MAP4K2: variants seen among roughly 807,000 people sequenced by gnomAD.
MAP4K2 encodes B lymphocyte serine/threonine protein kinase.
In MAP4K2, 85 loss-of-function variants were observed where a neutral mutation model predicts 125.3. The ratio of observed to expected loss-of-function variants is 0.68; its 90% CI spans 0.57 to 0.81. MAP4K2 has a LOEUF of 0.81. Among genes scored for constraint, MAP4K2 ranks in the 40% least tolerant of loss-of-function variants. The probability of loss-of-function intolerance (pLI) is 0.00; values close to 1 mark genes in which losing one functional copy is unlikely to be tolerated. For synonymous variants in MAP4K2, 479 were observed against 445.1 expected, an observed-to-expected ratio of 1.08 and a Z score of -0.96; for missense variants, 923 against 1,056.4, an observed-to-expected ratio of 0.87 and a Z score of 1.75.
At position 64,800,791 on chromosome 11, in the gene MAP4K2, G is replaced by T. The variant is rs773719386; in HGVS notation, c.698C>A (p.Pro233Gln). The T allele has an allele frequency of 2.9e-5, 47 of 1,610,074 alleles. No homozygotes were observed. The highest frequency in any genetic ancestry group is 5.1e-5 in the Admixed American group (3 of 59,228). Residue 233 changes from proline (P) to glutamine (Q), a missense_variant, in exon 10 of 32, where the codon CCG becomes CAG. Pro to Gln is a moderately conservative substitution (Grantham distance 76). Coordinates refer to ENST00000294066, the MANE Select transcript of MAP4K2 (RefSeq NM_004579.5). ...GCGAGTCTTATCTCTCAGTTTGGGCGGCTGGAAGCTGCTCTTCGACATGAG... is the reference window on the plus strand; with the variant it reads ...GCGAGTCTTATCTCTCAGTTTGGGCTGCTGGAAGCTGCTCTTCGACATGAG... Reference protein sequence around the residue: ...LMLMSKSSFQPPKLRDKTRWT... With the variant: ...LMLMSKSSFQQPKLRDKTRWT...
Position 64,797,490 on chromosome 11 carries a change from C to A in MAP4K2, c.1170+11G>T. 6.4e-7 allele frequency: 1 copy of A among 1,562,358 alleles called. No homozygotes were observed. On this transcript the variant is annotated intron_variant, in intron 17 of 31. Transcript: ENST00000294066. ...CCTGGATCCCAGCTCCAGCCTCCCTCTGTGTGGCACCTGGAATTCTGAGGC... is the reference window on the plus strand; with the variant it reads ...CCTGGATCCCAGCTCCAGCCTCCCTATGTGTGGCACCTGGAATTCTGAGGC...
Position 64,802,629 on chromosome 11 carries a change from T to C in MAP4K2, c.179A>G (p.Gln60Arg), listed in dbSNP as rs1219970302. The C allele has an allele frequency of 1.1e-5, 18 of 1,612,472 alleles. No individual in the cohort carries two copies. Among genetic ancestry groups the C allele is most frequent in the Admixed American group, 1.7e-5 (1 of 59,882 alleles). The change falls in exon 3 of 32, where the codon CAG (glutamine) becomes CGG (arginine). Residue 60 changes from glutamine (Q) to arginine (R), a missense_variant. Transcript: ENST00000294066. ...GCACTCACGCAGGATGGTGATTTCC[T>C]GCTGGAGGGAGCTGATGTCGTCCCC... ...DPGDDISSLQQEITILRECRH... is the reference protein window; with the variant it reads ...DPGDDISSLQREITILRECRH...
intron 13 of MAP4K2, 29 bp from the exon 14 acceptor site, chr11:64,799,508 G>A (rs746502534): frequency 3.1e-6 from 5 of 1,612,012 alleles, no homozygotes; most frequent in African/African-American, 1.3e-5. Flanking sequence ...AAGAGTGAAG[G>A]AGCTGGAGTC....
At chr11:64,801,246 G>A in intron 7 of MAP4K2, 63 bp from the exon 8 acceptor site, 11 of 1,565,130 alleles carry the variant, frequency 7.0e-6, no homozygotes, top group Non-Finnish European at 8.7e-6. Context: ...CCACGCCCAG[G>A]GCTCTGGCTC....
chr11:64,794,974 C>T (rs183850074), intron 24 of MAP4K2, among the ~76,000 whole-genome samples: 10 of 152,228 alleles, frequency 6.6e-5, no homozygotes, highest in Non-Finnish European at 8.8e-5. Flanking sequence ...TTCACTTCAA[C>T]CTCAACCTCC....
chr11:64,802,044 G>A, intron 5 of MAP4K2, 22 bp downstream of exon 5: 1 of 1,608,282 alleles, frequency 6.2e-7, no homozygotes. Flanking sequence ...CAGAGGTGTG[G>A]GCACCTCACA....
chr11:64,796,114 G>A (rs1256922272), intron 24 of MAP4K2, among the ~76,000 whole-genome samples, 159 bp downstream of exon 24: 2 of 152,230 alleles, frequency 1.3e-5, no homozygotes, highest in African/African-American at 4.8e-5. Context: ...CCGGCGGGAG[G>A]GGGTGGGAAG....
In MAP4K2 at chr11:64,788,252, T is replaced by C. The variant is rs1444553501; in HGVS notation, c.*1285A>G. The stretch of plus-strand genomic sequence containing the variant: ...GTCTTCCTCCAACACCTGCCTTGAA[T>C]GTAGGGGTGACCATGGGGCCTTTGC... On this transcript the variant is annotated 3_prime_UTR_variant, in exon 32 of 32. Transcript: ENST00000294066. The C allele has an allele frequency of 6.6e-6, 1 of 152,436 alleles. No homozygotes were observed. Among genetic ancestry groups the C allele is most frequent in the Non-Finnish European group, 1.5e-5 (1 of 68,244 alleles). 9.4% of individuals were successfully genotyped at this position (152,436 alleles called of 1,614,324 possible).
intron 15 of MAP4K2, 51 bp downstream of exon 15, chr11:64,798,743 G>A (rs766798883): frequency 6.2e-7 from 1 of 1,606,630 alleles, no homozygotes; most frequent in African/African-American, 1.3e-5. Flanking sequence ...TCAGAGGTCA[G>A]CCTTTCTGCC....
chr11:64,801,885 T>G, intron 5 of MAP4K2, 128 bp from the exon 6 acceptor site: 5 of 1,188,866 alleles, frequency 4.2e-6, no homozygotes, highest in Non-Finnish European at 6.1e-6. Context: ...AGGAAGTGAC[T>G]GAGCCAAGAG....
intron 10 of MAP4K2, 89 bp downstream of exon 10, chr11:64,800,675 G>A (rs1292091422): frequency 3.3e-6 from 5 of 1,514,102 alleles, no homozygotes; most frequent in Non-Finnish European, 4.5e-6. Flanking sequence ...CAGGGCTCTT[G>A]GGGTTGCCCC....
At chr11:64,798,590 C>T (rs1286723559) in intron 15 of MAP4K2, among the ~76,000 whole-genome samples, 1 of 150,546 alleles carries the variant, frequency 6.6e-6, no homozygotes, top group African/African-American at 2.5e-5. Context: ...ATGAGCCACC[C>T]GCCCAGCCTA....
chr11:64,799,345 T>G, intron 14 of MAP4K2, 76 bp downstream of exon 14: 96 of 1,550,016 alleles, frequency 6.2e-5, no homozygotes, highest in Middle Eastern at 2.0e-4. Context: ...TCCCTTGATT[T>G]GAGCTGCTCG....
chr11:64,801,840 C>G (rs1286994364), intron 5 of MAP4K2, 83 bp from the exon 6 acceptor site: 5 of 1,440,808 alleles, frequency 3.5e-6, no homozygotes, highest in South Asian at 1.2e-5. Flanking sequence ...TGGGGCCCCC[C>G]ACTCAGGCTG....
Position 64,801,585 on chromosome 11 carries a change from T to C in MAP4K2, c.451A>G (p.Lys151Glu). The change falls in exon 7 of 32, where the codon AAA (lysine) becomes GAA (glutamate). Residue 151 changes from lysine to glutamate, a missense_variant. This residue lies in a region of MAP4K2 where 833 missense variants were observed against 911.4 expected (regional missense o/e 0.91). Transcript: ENST00000294066. ...GTGTCCCCAGGGTACTGACCCAGTT[T>C]GACATCTCCCTGGAGAGTGAGGAGA... ...NLLLTLQGDVKLADFGVSGEL... is the reference protein window; with the variant it reads ...NLLLTLQGDVELADFGVSGEL... 5 of 1,613,980 alleles carry C rather than the reference T, an allele frequency of 3.1e-6. No individual in the cohort carries two copies. The highest frequency in any genetic ancestry group is 4.2e-6 in the Non-Finnish European group (5 of 1,179,922).
At chr11:64,793,124 G>A (rs1310828487) in intron 24 of MAP4K2, among the ~76,000 whole-genome samples, 3 of 152,142 alleles carry the variant, frequency 2.0e-5, no homozygotes, top group Non-Finnish European at 2.9e-5. Flanking sequence ...GCTGAGGCAG[G>A]AGAATTGCTT....
In MAP4K2 at chr11:64,789,872, C is replaced by T. The variant is rs773799222; in HGVS notation, c.2319+17G>A. On this transcript the variant is annotated intron_variant, in intron 30 of 31. Coordinates refer to ENST00000294066, the MANE Select transcript of MAP4K2 (RefSeq NM_004579.5). ...ACCACAAGGCAGGGGACAGCAAGGT[C>T]CCTGGGCCCCACTCACCTCATTGGT... The T allele has an allele frequency of 3.2e-5, 51 of 1,613,874 alleles. 1 individual carries two copies. In the East Asian group the frequency reaches 1.1e-3, roughly 36 times the overall value.
At chr11:64,801,436 G>A (rs1040683319) in intron 7 of MAP4K2, 143 bp downstream of exon 7, 22 of 988,830 alleles carry the variant, frequency 2.2e-5, no homozygotes, top group Non-Finnish European at 3.2e-5. Flanking sequence ...CAGCAGGGAG[G>A]GAGTACCGTT....
At chr11:64,796,457 T>C (rs1331341431) in intron 23 of MAP4K2, 36 bp downstream of exon 23, 5 of 1,613,614 alleles carry the variant, frequency 3.1e-6, no homozygotes, top group East Asian at 2.2e-5. Context: ...CTGGAGCCCC[T>C]GCGGACCCTG....
Sources: gnomAD v4.1 joint callset for allele counts (sites outside exome capture counted in the v4.1 genomes callset) on GRCh38, gnomAD v4.1.1 for gene constraint, gnomAD v4.1.1 regional missense constraint, MANE v1.5 for transcripts, NCBI Gene and HGNC (gene_info 2026-07-23, HGNC 2026-07-21) for gene names.